CHD7: variants seen among roughly 807,000 people sequenced by gnomAD.
CHD7 encodes ATP-dependent chromatin remodeler CHD7.
Under a neutral mutation model 307.3 loss-of-function variants are expected in CHD7, and 24 were observed. That is an observed-to-expected ratio of 0.08 (90% CI 0.06 to 0.11). The LOEUF is 0.11. CHD7 is among the 10% of genes least tolerant of loss of function. The probability of loss-of-function intolerance (pLI) is 1.00; values close to 1 mark genes in which losing one functional copy is unlikely to be tolerated. For synonymous variants in CHD7, 1,363 were observed against 1,349.9 expected, an observed-to-expected ratio of 1.01 and a Z score of -0.21; for missense variants, 3,106 against 3,727.1, an observed-to-expected ratio of 0.83 and a Z score of 4.34.
At chr8:60,761,112 A>G (rs1810174905) in intron 2 of CHD7, among the ~76,000 whole-genome samples, 1 of 151,894 alleles carries the variant, frequency 6.6e-6, no homozygotes, top group Non-Finnish European at 1.5e-5. Flanking sequence ...ACAATGATAG[A>G]TTGGATTAAG....
chr8:60,757,515 G>T (rs1809957783), intron 2 of CHD7, among the ~76,000 whole-genome samples: 1 of 152,166 alleles, frequency 6.6e-6, no homozygotes, highest in South Asian at 2.1e-4. Flanking sequence ...ATGAAGGACT[G>T]CCCTCTTGAT....
intron 1 of CHD7, among the ~76,000 whole-genome samples, chr8:60,719,364 C>T (rs1267136329): frequency 6.6e-6 from 1 of 152,134 alleles, no homozygotes; most frequent in African/African-American, 2.4e-5. Context: ...TGAAGTTCCA[C>T]AATTGTTAGA....
At chr8:60,759,504 TCCCTCC>T (rs1467678970) in intron 2 of CHD7, among the ~76,000 whole-genome samples, 2 of 142,708 alleles carry the variant, frequency 1.4e-5, no homozygotes, top group Admixed American at 7.0e-5. Context: ...CCTCTCCCTC[TCCCTCC>T]CTCTCTCCCT....
intron 21 of CHD7, 55 bp downstream of exon 21, chr8:60,842,107 C>T (rs1805002305): frequency 2.1e-6 from 3 of 1,401,366 alleles, no homozygotes; most frequent in Non-Finnish European, 3.0e-6. Context: ...AGTTAGAATT[C>T]CCAACTGGTA....
rs952299853 is a variant in CHD7 at position 60,865,057 on chromosome 8, G to A, written c.8118G>A (p.Gly2706=). 1.2e-6 allele frequency: 2 copies of A among 1,608,858 alleles called. No homozygotes were observed. The highest frequency in any genetic ancestry group is 3.4e-5 in the Admixed American group (2 of 59,344). Residue 2706 remains glycine, a synonymous_variant, in exon 38 of 38, where the codon GGG becomes GGA. Transcript: ENST00000423902. The surrounding 1 kb of genome is among the most constrained non-coding windows in gnomAD (Gnocchi z 4.3). ...CGATGTTTGACCGCCTTCTCACTGGGCCTGTAGTGCGGGGAGAGGGAGCGA... is the reference window on the plus strand; with the variant it reads ...CGATGTTTGACCGCCTTCTCACTGGACCTGTAGTGCGGGGAGAGGGAGCGA... ...PESMFDRLLT[G]PVVRGEGASR... is the part of the protein sequence containing the mutation.
intron 1 of CHD7, among the ~76,000 whole-genome samples, chr8:60,717,152 A>T (rs1807651662): frequency 6.6e-6 from 1 of 151,478 alleles, no homozygotes; most frequent in Non-Finnish European, 1.5e-5. Context: ...TACTTTGATC[A>T]CTTGGTAAAG....
At chr8:60,749,553 C>T (rs1236265773) in intron 2 of CHD7, among the ~76,000 whole-genome samples, 2 of 151,850 alleles carry the variant, frequency 1.3e-5, no homozygotes, top group African/African-American at 4.8e-5. Context: ...TCAATACTAC[C>T]TTTCTCACTT....
chr8:60,761,011 T>G (rs1031930299), intron 2 of CHD7, among the ~76,000 whole-genome samples: 14 of 152,150 alleles, frequency 9.2e-5, no homozygotes, highest in African/African-American at 3.4e-4. Flanking sequence ...CAAAGGACTA[T>G]AAATCATGCT....
intron 1 of CHD7, among the ~76,000 whole-genome samples, chr8:60,720,228 A>G (rs1453320508): frequency 6.6e-6 from 1 of 152,106 alleles, no homozygotes; most frequent in Admixed American, 6.5e-5. Flanking sequence ...TCAGTGTTTC[A>G]CTATTGAAAA....
intron 2 of CHD7, among the ~76,000 whole-genome samples, chr8:60,757,980 A>G (rs1425564737): frequency 2.6e-5 from 4 of 152,232 alleles, no homozygotes; most frequent in Non-Finnish European, 5.9e-5. Flanking sequence ...GCTCTTAAAT[A>G]TTGAGAACCC....
At chr8:60,680,065 A>G (rs1327274878) in intron 1 of CHD7, among the ~76,000 whole-genome samples, 1 of 151,050 alleles carries the variant, frequency 6.6e-6, no homozygotes, top group Non-Finnish European at 1.5e-5. Context: ...CAGCTGCATA[A>G]TAGCGACTTT....
At chr8:60,775,770 A>G (rs1413038146) in intron 2 of CHD7, among the ~76,000 whole-genome samples, 6 of 152,122 alleles carry the variant, frequency 3.9e-5, no homozygotes, top group African/African-American at 9.7e-5. Context: ...AGAATTCTTT[A>G]TTTTTGAAAC....
At chr8:60,841,192 G>A (rs761382011) in intron 19 of CHD7, among the ~76,000 whole-genome samples, 7 of 152,300 alleles carry the variant, frequency 4.6e-5, no homozygotes, top group Non-Finnish European at 8.8e-5. Flanking sequence ...TCACCAGCTC[G>A]ACCTCTGGCT....
intron 7 of CHD7, among the ~76,000 whole-genome samples, chr8:60,810,859 T>G (rs1812769169): frequency 6.6e-6 from 1 of 152,180 alleles, no homozygotes; most frequent in South Asian, 2.1e-4. Flanking sequence ...AGTGTCCTGT[T>G]AGGAACCTGG....
At position 60,865,278 on chromosome 8, in the gene CHD7, C is replaced by T. The variant is rs775132352; in HGVS notation, c.8339C>T (p.Ala2780Val). 95 of 1,608,058 alleles carry T rather than the reference C, an allele frequency of 5.9e-5. No individual in the cohort carries two copies. The highest frequency in any genetic ancestry group is 8.0e-5 in the Non-Finnish European group (94 of 1,177,454). ...CTCATGGGCTTCCCTCCAGGACTGGCAACAGCTGCCACCGCCGGAGGCGAT... is the reference window on the plus strand; with the variant it reads ...CTCATGGGCTTCCCTCCAGGACTGGTAACAGCTGCCACCGCCGGAGGCGAT... ...AGLMGFPPGL[A>V]TAATAGGDAK... is the part of the protein sequence containing the mutation. Residue 2780 changes from alanine to valine, a missense_variant, in exon 38 of 38, where the codon GCA (alanine) becomes GTA (valine). Around this residue, in one of 10 missense-constraint regions of CHD7, gnomAD observed 351 missense variants for 366.2 expected, o/e 0.96. Coordinates refer to ENST00000423902, the MANE Select transcript of CHD7 (RefSeq NM_017780.4). The surrounding 1 kb of genome is among the most constrained non-coding windows in gnomAD (Gnocchi z 4.3).
chr8:60,809,038 T>G (rs1309655584), intron 7 of CHD7: 1 of 152,198 alleles, frequency 6.6e-6, no homozygotes, highest in East Asian at 1.9e-4. Flanking sequence ...TAATACATTC[T>G]TAGGGCTTTA....
intron 35 of CHD7, 97 bp from the exon 36 acceptor site, chr8:60,862,096 CATA>C (rs1806004769): frequency 3.4e-6 from 3 of 885,950 alleles, no homozygotes; most frequent in Middle Eastern, 3.5e-4. Flanking sequence ...TTGAAACTTC[CATA>C]ATAATTGAAG....
intron 26 of CHD7, 179 bp from the exon 27 acceptor site, chr8:60,850,853 C>T: frequency 1.5e-6 from 1 of 685,870 alleles, no homozygotes. Context: ...GCAATCTCCC[C>T]AGACCCCCTC....
intron 2 of CHD7, among the ~76,000 whole-genome samples, chr8:60,748,140 A>T (rs184651187): frequency 6.6e-5 from 10 of 152,342 alleles, no homozygotes; most frequent in Admixed American, 6.5e-4. Flanking sequence ...AGAATATGCC[A>T]TGAAAAGCAC....
Sources: allele counts gnomAD v4.1 joint callset (sites outside exome capture counted in the v4.1 genomes callset), GRCh38; gene constraint gnomAD v4.1.1; regional missense constraint gnomAD v4.1.1; non-coding constraint Gnocchi (gnomAD v3.1); transcripts MANE v1.5; gene names NCBI Gene and HGNC (gene_info 2026-07-23, HGNC 2026-07-21).